HERC1: variants seen among roughly 807,000 people sequenced by gnomAD.
HERC1 encodes the protein HECT and RLD domain containing E3 ubiquitin protein ligase family member 1.
HERC1 carries 160 observed loss-of-function variants against 554.3 expected under a neutral mutation model. That is an observed-to-expected ratio of 0.29 (90% CI 0.25 to 0.33). The LOEUF is 0.33. Among genes scored for constraint, HERC1 ranks in the 10% least tolerant of loss-of-function variants. HERC1 has a pLI of 1.00. For missense variants in HERC1, 4,919 were observed against 5,918.5 expected, an observed-to-expected ratio of 0.83 and a Z score of 5.54; for synonymous variants, 2,175 against 2,131.7, an observed-to-expected ratio of 1.02 and a Z score of -0.56.
At position 63,643,474 on chromosome 15, in the gene HERC1, G is replaced by T; in HGVS notation, c.11261C>A (p.Ala3754Asp). The change falls in exon 58 of 78, where the codon GCC (alanine) becomes GAC (aspartate). Residue 3754 changes from alanine to aspartate, a missense_variant. By Grantham distance (126) the Ala-to-Asp change is moderately radical. Coordinates refer to ENST00000443617, the MANE Select transcript of HERC1 (RefSeq NM_003922.4). Reference protein sequence around the residue: ...RGHITPVRTVAFSSDGLALVS... With the variant: ...RGHITPVRTVDFSSDGLALVS... ...CAGGGCCAACCCATCAGAACTAAAG[G>T]CAACAGTCCGAACAGGAGTGATGTG... The T allele has an allele frequency of 1.2e-6, 2 of 1,612,648 alleles. No individual in the cohort carries two copies. Among genetic ancestry groups the T allele is most frequent in the Non-Finnish European group, 1.7e-6 (2 of 1,179,236 alleles).
chr15:63,640,623 T>C (rs537920977), intron 60 of HERC1, among the ~76,000 whole-genome samples, 178 bp from the exon 61 acceptor site: 2 of 152,332 alleles, frequency 1.3e-5, no homozygotes, highest in Non-Finnish European at 2.9e-5. Flanking sequence ...GATTTCTGTA[T>C]ACCCTTCGCC....
chr15:63,666,498 A>T (rs751374799), intron 40 of HERC1, 26 bp from the exon 41 acceptor site: 16 of 1,414,732 alleles, frequency 1.1e-5, no homozygotes, highest in Non-Finnish European at 1.6e-5. Flanking sequence ...GAGAAATAAG[A>T]ACCTAAATAT....
chr15:63,628,581 C>T (rs150185598), intron 70 of HERC1, 96 bp downstream of exon 70: 151 of 1,289,134 alleles, frequency 1.2e-4, no homozygotes, highest in African/African-American at 1.0e-3. Context: ...GGTTTCACAA[C>T]GATGCTGGAT....
rs147205261 is a variant in HERC1 at position 63,663,657 on chromosome 15, C to T, written c.8681-453G>A. Among the ~76,000 whole-genome samples the T allele has an allele frequency of 2.0e-3, 308 of 152,252 alleles. 3 individuals are homozygous for T. The highest frequency in any genetic ancestry group is 6.6e-3 in the African/African-American group (274 of 41,562). On this transcript the variant is annotated intron_variant, in intron 43 of 77. Coordinates refer to ENST00000443617, the MANE Select transcript of HERC1 (RefSeq NM_003922.4). ...ATTTTTTTGTAAAGACAGGGTCTTG[C>T]TATGTGGCCCAGGCTGGTCTCAAAC...
At chr15:63,741,411 G>A (rs2074800856) in intron 12 of HERC1, among the ~76,000 whole-genome samples, 1 of 151,378 alleles carries the variant, frequency 6.6e-6, no homozygotes, top group South Asian at 2.1e-4. Context: ...TGCAACCTCC[G>A]CTTCCTGGGT....
At chr15:63,678,756 G>C (rs1452122195) in intron 36 of HERC1, among the ~76,000 whole-genome samples, 1 of 152,150 alleles carries the variant, frequency 6.6e-6, no homozygotes, top group Non-Finnish European at 1.5e-5. Flanking sequence ...TGTTCAAGGG[G>C]TGCAAAAGTA....
In HERC1 at chr15:63,734,498, TG is replaced by T. The variant is rs2074420713; in HGVS notation, c.2646+225del. On this transcript the variant is annotated intron_variant, in intron 13 of 77. Coordinates refer to ENST00000443617, the MANE Select transcript of HERC1 (RefSeq NM_003922.4). This position sits in a 1 kb window ranked among gnomAD's most constrained non-coding sequence, Gnocchi z 4.6. ...TCTGGCTTAGTACCATAAGAAACAC[TG>T]GAAAAATTAGTCCTTATTTTAATAA... The T allele has an allele frequency of 1.2e-5, 4 of 331,564 alleles. No homozygotes were observed. The highest frequency in any genetic ancestry group is 2.2e-5 in the Non-Finnish European group (4 of 183,216). The allele number at this position is 331,564 out of a possible 1,614,324, so 20.5% of individuals were successfully genotyped here.
At chr15:63,781,841 T>A (rs1040130256) in intron 1 of HERC1, among the ~76,000 whole-genome samples, 2 of 152,156 alleles carry the variant, frequency 1.3e-5, no homozygotes, top group Non-Finnish European at 2.9e-5. Context: ...AATGAATACA[T>A]AAATGATAAA....
intron 51 of HERC1, among the ~76,000 whole-genome samples, chr15:63,653,263 A>C (rs1175691351): frequency 6.6e-6 from 1 of 152,072 alleles, no homozygotes; most frequent in African/African-American, 2.4e-5. Context: ...CAACATGGAA[A>C]AACCCTGTCT....
At chr15:63,744,870 A>G (rs2074998605) in intron 12 of HERC1, among the ~76,000 whole-genome samples, 1 of 152,158 alleles carries the variant, frequency 6.6e-6, no homozygotes. Context: ...TGGTACCTGA[A>G]GCCAGAAAGT....
chr15:63,819,569 C>T (rs1270197247), intron 1 of HERC1, among the ~76,000 whole-genome samples: 2 of 152,154 alleles, frequency 1.3e-5, no homozygotes, highest in African/African-American at 2.4e-5. Context: ...AGTCCTTACA[C>T]CAATTACTGT....
At chr15:63,740,832 T>C (rs1433070939) in intron 12 of HERC1, among the ~76,000 whole-genome samples, 1 of 152,202 alleles carries the variant, frequency 6.6e-6, no homozygotes, top group African/African-American at 2.4e-5. Context: ...TAGAACCTCA[T>C]CAGATCTATG....
rs2152998820 is a variant in HERC1, at chr15:63,680,961, T to C, written c.6226-185A>G. Among the ~76,000 whole-genome samples, 1 of 152,328 alleles carries C rather than the reference T, an allele frequency of 6.6e-6. No individual in the cohort carries two copies. The highest frequency in any genetic ancestry group is 1.9e-4 in the East Asian group (1 of 5,192). Reference sequence around the variant, plus strand: ...TCAATTTAGAAAGATTTTAAAACATTCTTTATCTTGCAGGGCATTTAGAAT... The same window carrying C: ...TCAATTTAGAAAGATTTTAAAACATCCTTTATCTTGCAGGGCATTTAGAAT... On this transcript the variant is annotated intron_variant, in intron 34 of 77. Transcript: ENST00000443617. The surrounding 1 kb of genome is among the most constrained non-coding windows in gnomAD (Gnocchi z 5.8).
intron 1 of HERC1, among the ~76,000 whole-genome samples, chr15:63,833,496 G>A (rs578213666): frequency 2.8e-4 from 42 of 152,210 alleles, no homozygotes; most frequent in African/African-American, 9.9e-4. Flanking sequence ...CAGCGGGGCC[G>A]GGGCACAGAC....
chr15:63,830,946 G>C (rs2078131401), intron 1 of HERC1, among the ~76,000 whole-genome samples: 1 of 152,124 alleles, frequency 6.6e-6, no homozygotes, highest in South Asian at 2.1e-4. Flanking sequence ...TAAAGAAAAT[G>C]CTAGCAGATG....
At chr15:63,670,900 AT>A (rs748512517) in intron 39 of HERC1, among the ~76,000 whole-genome samples, 11 of 152,110 alleles carry the variant, frequency 7.2e-5, no homozygotes, top group East Asian at 3.9e-4. Context: ...CTACAAAAAA[AT>A]TTCAAAAAAT....
At chr15:63,646,949 G>C (rs2069382346) in intron 55 of HERC1, among the ~76,000 whole-genome samples, 1 of 151,942 alleles carries the variant, frequency 6.6e-6, no homozygotes. Context: ...AATCATCAGA[G>C]AAAAGCAAAT....
intron 74 of HERC1, among the ~76,000 whole-genome samples, chr15:63,617,063 GGTTT>G (rs1238799196): frequency 1.3e-5 from 2 of 151,850 alleles, no homozygotes; most frequent in Admixed American, 6.6e-5. Context: ...ACAACGTGCA[GGTTT>G]GTTACATATG....
chr15:63,775,006 T>A lies in HERC1; in HGVS notation c.618A>T (p.Leu206Phe). 1 of 1,614,032 alleles carries A rather than the reference T, an allele frequency of 6.2e-7. No homozygotes were observed. Among genetic ancestry groups the A allele is most frequent in the East Asian group, 2.2e-5 (1 of 44,886 alleles). ...GAATCTTGCTTTCATTTGCTAATGA[T>A]AATGGTGGCAAAGAGCTCACAACTT... ...AIEVVSSLPPLSLANESKIPP... is the reference protein window; with the variant it reads ...AIEVVSSLPPFSLANESKIPP... Residue 206 changes from leucine to phenylalanine, a missense_variant, in exon 2 of 78, where the codon TTA (leucine) becomes TTT (phenylalanine). Coordinates refer to ENST00000443617, the MANE Select transcript of HERC1 (RefSeq NM_003922.4). This position sits in a 1 kb window ranked among gnomAD's most constrained non-coding sequence, Gnocchi z 4.0.
Sources: gnomAD v4.1 joint callset for allele counts (sites outside exome capture counted in the v4.1 genomes callset) on GRCh38, gnomAD v4.1.1 for gene constraint, Gnocchi (gnomAD v3.1) non-coding constraint, MANE v1.5 for transcripts, NCBI Gene and HGNC (gene_info 2026-07-23, HGNC 2026-07-21) for gene names.